Variants in OSER1 observed in about 807,000 individuals in gnomAD.
OSER1 encodes oxidative stress responsive serine rich 1.
A neutral mutation model predicts 26.3 loss-of-function variants in OSER1; 15 were observed. The observed-to-expected ratio is 0.57, with a 90% CI of 0.38 to 0.88. The LOEUF (loss-of-function observed/expected upper bound fraction) is 0.88, where lower values mean the gene tolerates loss of function less well. Ranked by LOEUF, OSER1 falls within the 40% of genes least tolerant of loss-of-function variation. The pLI, the probability that OSER1 is intolerant of heterozygous loss-of-function variation, is 0.00. For missense variants in OSER1, 313 were observed against 353.9 expected, an observed-to-expected ratio of 0.88 and a Z score of 0.93; for synonymous variants, 127 against 128.2, an observed-to-expected ratio of 0.99 and a Z score of 0.07.
chr20:44,202,035 T>G (rs963638399), intron 3 of OSER1, among the ~76,000 whole-genome samples: 1 of 152,238 alleles, frequency 6.6e-6, no homozygotes, highest in Admixed American at 6.5e-5. Context: ...CCTAGTCATA[T>G]GCTATTTATA....
In OSER1 at chr20:44,197,596, G is replaced by A. The variant is rs1480930532; in HGVS notation, c.335C>T (p.Thr112Ile). 6.2e-7 allele frequency: 1 copy of A among 1,614,190 alleles called. No homozygotes were observed. The highest frequency in any genetic ancestry group is 1.7e-5 in the Admixed American group (1 of 60,028). ...SSSQLKHKSQ[T>I]DSPDGSSGLG... ...CCCACTGCTGCCATCAGGTGAGTCA[G>A]TCTGGCTTTTGTGCTTGAGTTGACT... Residue 112 changes from threonine (T) to isoleucine (I), a missense_variant, in exon 4 of 4, where the codon ACT becomes ATT. Physicochemically the swap from Thr to Ile is moderately conservative, Grantham distance 89 (BLOSUM62 -1). Around this residue, in one of 2 missense-constraint regions of OSER1, gnomAD observed 300 missense variants for 318.3 expected, o/e 0.94. Coordinates refer to ENST00000255174, the MANE Select transcript of OSER1 (RefSeq NM_016470.8).
Position 44,197,156 on chromosome 20 carries a change from C to T in OSER1, c.775G>A (p.Val259Ile). The T allele has an allele frequency of 1.2e-6, 2 of 1,614,160 alleles. No homozygotes were observed. The highest frequency in any genetic ancestry group is 1.7e-6 in the Non-Finnish European group (2 of 1,179,968). The change falls in exon 4 of 4, where the codon GTC (valine) becomes ATC (isoleucine). Residue 259 changes from valine (V) to isoleucine (I), a missense_variant. Val to Ile is a conservative substitution (Grantham distance 29). This residue lies in a region of OSER1 where 300 missense variants were observed against 318.3 expected (regional missense o/e 0.94). Transcript: ENST00000255174. ...SPRSCSEQAR[V>I]FVDDVTIEDL... ...TCAATGGTCACATCATCCACGAAGACTCGAGCTTGCTCAGAACAGGATCGG... is the reference window on the plus strand; with the variant it reads ...TCAATGGTCACATCATCCACGAAGATTCGAGCTTGCTCAGAACAGGATCGG...
chr20:44,198,404 G>A (rs2072945041), intron 3 of OSER1, among the ~76,000 whole-genome samples: 1 of 152,146 alleles, frequency 6.6e-6, no homozygotes, highest in African/African-American at 2.4e-5. Context: ...TGGATCACGA[G>A]GTCAGGAGAT....
intron 3 of OSER1, among the ~76,000 whole-genome samples, chr20:44,202,654 T>C (rs1410909342): frequency 6.6e-6 from 1 of 152,090 alleles, no homozygotes. Context: ...TAAGTCAAGT[T>C]GACCAAAAAA....
chr20:44,196,089 A>C lies in OSER1; in HGVS notation c.*963T>G, dbSNP rs1203490006. Among the ~76,000 whole-genome samples, 1 of 152,194 alleles carries C rather than the reference A, an allele frequency of 6.6e-6. No individual in the cohort carries two copies. The highest frequency in any genetic ancestry group is 2.4e-5 in the African/African-American group (1 of 41,458). On this transcript the variant is annotated 3_prime_UTR_variant, in exon 4 of 4. Coordinates refer to ENST00000255174, the MANE Select transcript of OSER1 (RefSeq NM_016470.8). ...ACATTCTTTTTGGAGCCACCTGAAA[A>C]ACAAGGATTCATCATCCAGCTGAAA...
chr20:44,197,171 A>C lies in OSER1; in HGVS notation c.760T>G (p.Ser254Ala). ...RTLSGSPRSC[S>A]EQARVFVDDV... is the part of the protein sequence containing the mutation. ...TCCACGAAGACTCGAGCTTGCTCAG[A>C]ACAGGATCGGGGAGAGCCAGACAGA... The change falls in exon 4 of 4, where the codon TCT (serine) becomes GCT (alanine). Residue 254 changes from serine (S) to alanine (A), a missense_variant. This residue lies in a region of OSER1 where 300 missense variants were observed against 318.3 expected (regional missense o/e 0.94). Coordinates refer to ENST00000255174, the MANE Select transcript of OSER1 (RefSeq NM_016470.8). 1 of 1,614,190 alleles carries C rather than the reference A, an allele frequency of 6.2e-7. No homozygotes were observed. The highest frequency in any genetic ancestry group is 8.5e-7 in the Non-Finnish European group (1 of 1,179,986).
intron 1 of OSER1, among the ~76,000 whole-genome samples, chr20:44,210,233 G>A (rs1172331573): frequency 1.3e-5 from 2 of 152,214 alleles, no homozygotes; most frequent in African/African-American, 4.8e-5. Flanking sequence ...CAGCTGTGAA[G>A]TTGCGCTCCT....
chr20:44,198,136 G>A (rs1319574253), intron 3 of OSER1, among the ~76,000 whole-genome samples: 1 of 152,134 alleles, frequency 6.6e-6, no homozygotes, highest in Non-Finnish European at 1.5e-5. Flanking sequence ...GAATATAGCA[G>A]CTTCAGAACC....
rs2072916851 is a variant in OSER1 at position 44,196,286 on chromosome 20, A to G, written c.*766T>C. 8.8e-6 allele frequency among the ~76,000 whole-genome samples: 1 copy of G among 114,148 alleles called. No individual in the cohort carries two copies. The highest frequency in any genetic ancestry group is 1.7e-5 in the Non-Finnish European group (1 of 59,124). The allele number at this position is 114,148 out of a possible 152,430, so 74.9% of individuals were successfully genotyped here. A position where few individuals can be genotyped will look rare whatever the true frequency, so the allele number is the denominator to read the frequency against. The stretch of plus-strand genomic sequence containing the variant: ...ACTGAGGTATGAGACCTGTATTACA[A>G]CTGATAACAAAAAAAAAAAAAAAAA... On this transcript the variant is annotated 3_prime_UTR_variant, in exon 4 of 4. Coordinates refer to ENST00000255174, the MANE Select transcript of OSER1 (RefSeq NM_016470.8).
intron 3 of OSER1, among the ~76,000 whole-genome samples, chr20:44,198,501 C>G (rs542989767): frequency 1.2e-3 from 183 of 152,198 alleles, no homozygotes; most frequent in African/African-American, 4.2e-3. Flanking sequence ...CGCCTGTAGT[C>G]CCAGATACTT....
At position 44,207,095 on chromosome 20, in the gene OSER1, CA is replaced by C. The variant is rs2145938703; in HGVS notation, c.-41-98del. ...AGAAAAAAAAAGCAAATTTTTATTT[CA>C]AAAAGGAAGTTTCAGTGTAGATAAC... On this transcript the variant is annotated intron_variant, in intron 1 of 3. Coordinates refer to ENST00000255174, the MANE Select transcript of OSER1 (RefSeq NM_016470.8). 6 of 591,544 alleles carry C rather than the reference CA, an allele frequency of 1.0e-5. No homozygotes were observed. The South Asian group carries it at 1.4e-4, about 14-fold the overall frequency. The allele number at this position is 591,544 out of a possible 1,614,324, so 36.6% of individuals were successfully genotyped here. A position where few individuals can be genotyped will look rare whatever the true frequency, so the allele number is the denominator to read the frequency against.
Position 44,203,034 on chromosome 20 carries a change from T to C in OSER1, c.118A>G (p.Arg40Gly), listed in dbSNP as rs774531388. ...SLSVGEGTGV[R>G]APVRTATDDT... ...TCTGTTGCTGTTCTGACTGGTGCTCTGACACCTGTGCCTTCTCCAACAGAC... is the reference window on the plus strand; with the variant it reads ...TCTGTTGCTGTTCTGACTGGTGCTCCGACACCTGTGCCTTCTCCAACAGAC... Residue 40 changes from arginine (R) to glycine (G), a missense_variant, in exon 3 of 4, where the codon AGA becomes GGA. Transcript: ENST00000255174. 1.2e-6 allele frequency: 2 copies of C among 1,612,574 alleles called. No homozygotes were observed. The highest frequency in any genetic ancestry group is 1.7e-6 in the Non-Finnish European group (2 of 1,178,692).
In OSER1 at chr20:44,196,726, T is replaced by C. The variant is rs1443472445; in HGVS notation, c.*326A>G. ...CCTTGGCTAGCAAACCTTAAACAAA[T>C]CTGAAAAATGCACTGTTTTACAAAG... On this transcript the variant is annotated 3_prime_UTR_variant, in exon 4 of 4. Transcript: ENST00000255174. 1 of 218,762 alleles carries C rather than the reference T, an allele frequency of 4.6e-6. No homozygotes were observed. The highest frequency in any genetic ancestry group is 9.1e-6 in the Non-Finnish European group (1 of 109,662). 13.6% of individuals were successfully genotyped at this position (218,762 alleles called of 1,614,324 possible).
intron 1 of OSER1, among the ~76,000 whole-genome samples, chr20:44,209,153 G>T (rs1307761876): frequency 6.6e-6 from 1 of 152,136 alleles, no homozygotes; most frequent in Non-Finnish European, 1.5e-5. Flanking sequence ...CATGGCAGGT[G>T]ATCACCCTAG....
chr20:44,201,876 G>C lies in OSER1; in HGVS notation c.191+1085C>G, dbSNP rs150293993. Among the ~76,000 whole-genome samples the C allele has an allele frequency of 5.1e-3, 771 of 152,152 alleles. 6 individuals are homozygous for C. Among genetic ancestry groups the C allele is most frequent in the African/African-American group, 0.018 (740 of 41,500 alleles). On this transcript the variant is annotated intron_variant, in intron 3 of 3. Transcript: ENST00000255174. ...TTGGAAAGGAAAGGAGGAGAGGTAA[G>C]GTGGGAAAAAAATAGAAAAAAGCAG...
chr20:44,202,856 C>A (rs1167905210), intron 3 of OSER1, 105 bp downstream of exon 3: 2 of 618,532 alleles, frequency 3.2e-6, no homozygotes, highest in Non-Finnish European at 5.7e-6. Context: ...ATCATTGGGT[C>A]TTAGGTTCTA....
intron 3 of OSER1, among the ~76,000 whole-genome samples, chr20:44,200,400 G>A (rs1569237585): frequency 1.3e-5 from 2 of 152,126 alleles, no homozygotes; most frequent in South Asian, 2.1e-4. Context: ...CAGCCAGGAC[G>A]GCCAACCCCA....
chr20:44,201,343 G>C (rs1217908131), intron 3 of OSER1, among the ~76,000 whole-genome samples: 3 of 152,204 alleles, frequency 2.0e-5, no homozygotes, highest in Admixed American at 2.0e-4. Flanking sequence ...ACCTGGAATT[G>C]ATCCCCCATG....
intron 3 of OSER1, among the ~76,000 whole-genome samples, chr20:44,201,034 A>AAGCAAAGTACAGT (rs2072976791): frequency 6.6e-6 from 1 of 151,774 alleles, no homozygotes; most frequent in African/African-American, 2.4e-5. Flanking sequence ...AAAGCAAAGT[A>AAGCAAAGTACAGT]CAGTCTTCTG....
Sources: allele counts gnomAD v4.1 joint callset (sites outside exome capture counted in the v4.1 genomes callset), GRCh38; gene constraint gnomAD v4.1.1; regional missense constraint gnomAD v4.1.1; transcripts MANE v1.5; gene names NCBI Gene and HGNC (gene_info 2026-07-23, HGNC 2026-07-21).